Variants in PRKCB observed in about 807,000 individuals in gnomAD.
The protein encoded by PRKCB is protein kinase C beta.
Under a neutral mutation model 81.5 loss-of-function variants are expected in PRKCB, and 13 were observed. The ratio of observed to expected loss-of-function variants is 0.16; its 90% CI spans 0.10 to 0.25. The LOEUF (loss-of-function observed/expected upper bound fraction) is 0.25. PRKCB is among the 10% of genes least tolerant of loss of function. PRKCB has a pLI of 1.00. For synonymous variants in PRKCB, 335 were observed against 321.4 expected (o/e 1.04, Z -0.45); for missense variants, 509 against 875.7 (o/e 0.58, Z 5.29).
intron 2 of PRKCB, among the ~76,000 whole-genome samples, chr16:23,865,554 T>C (rs1962773806): frequency 1.7e-5 from 1 of 57,246 alleles, no homozygotes; most frequent in Admixed American, 1.9e-4. Context: ...TGTGTGTGTG[T>C]GTGTGTGTGT....
At chr16:24,053,344 C>T (rs564196403) in intron 5 of PRKCB, among the ~76,000 whole-genome samples, 1 of 152,320 alleles carries the variant, frequency 6.6e-6, no homozygotes, top group Non-Finnish European at 1.5e-5. Flanking sequence ...TTGGAGCTAT[C>T]TGGTCACTGT....
At chr16:24,175,664 G>A (rs1967518017) in intron 12 of PRKCB, among the ~76,000 whole-genome samples, 1 of 151,532 alleles carries the variant, frequency 6.6e-6, no homozygotes. Context: ...CTTAACTGCG[G>A]GATATGGGAT....
intron 2 of PRKCB, among the ~76,000 whole-genome samples, chr16:23,897,069 G>T (rs2878157): frequency 0.014 from 2,093 of 152,216 alleles, 41 homozygotes; most frequent in African/African-American, 0.048. Context: ...GCCAGACCCT[G>T]TGCCAGGTGT....
chr16:24,219,433 T>C lies in PRKCB; in HGVS notation c.*4617T>C. The C allele has an allele frequency of 3.0e-6, 3 of 986,006 alleles. No individual in the cohort carries two copies. The highest frequency in any genetic ancestry group is 3.6e-6 in the Non-Finnish European group (3 of 830,450). The allele number at this position is 986,006 out of a possible 1,614,324, so 61.1% of individuals were successfully genotyped here. On this transcript the variant is annotated 3_prime_UTR_variant, in exon 17 of 17. Transcript: ENST00000643927. ...AGCTGACGGTGGTCAATTCCTTTCA[T>C]TAAGCAGTGATCTGATTTCTCCACA... is the stretch of plus-strand genomic sequence containing the variant.
intron 7 of PRKCB, among the ~76,000 whole-genome samples, chr16:24,095,531 T>A (rs918639453): frequency 6.6e-6 from 1 of 152,188 alleles, no homozygotes; most frequent in Non-Finnish European, 1.5e-5. Flanking sequence ...GTAGTGATGT[T>A]ATCTGTAGGA....
intron 5 of PRKCB, among the ~76,000 whole-genome samples, chr16:24,087,394 A>G (rs1057491109): frequency 6.6e-6 from 1 of 152,204 alleles, no homozygotes; most frequent in Non-Finnish European, 1.5e-5. Flanking sequence ...TGAATGCGCC[A>G]TATATTATTT....
intron 8 of PRKCB, among the ~76,000 whole-genome samples, chr16:24,122,158 C>T (rs187941504): frequency 1.3e-5 from 2 of 152,242 alleles, no homozygotes; most frequent in East Asian, 3.9e-4. Flanking sequence ...CAGGGAAGAG[C>T]CCTCTTATCA....
In PRKCB at chr16:24,055,315, G is replaced by A. The variant is rs549244377; in HGVS notation, c.529+19768G>A. Reference sequence around the variant, plus strand: ...GTGAGCTTTAGATGGGCTGTCAGCCGCTGCTGAGTCCTCATCAGCTGCCTG... The same window carrying A: ...GTGAGCTTTAGATGGGCTGTCAGCCACTGCTGAGTCCTCATCAGCTGCCTG... On this transcript the variant is annotated intron_variant, in intron 5 of 16. Coordinates refer to ENST00000643927, the MANE Select transcript of PRKCB (RefSeq NM_002738.7). 4.3e-4 allele frequency among the ~76,000 whole-genome samples: 65 copies of A among 152,354 alleles called. No homozygotes were observed. The South Asian group carries it at 0.013, about 30-fold the overall frequency.
Position 24,185,505 on chromosome 16 carries a change from A to C in PRKCB, c.1660A>C (p.Met554Leu). ...EDEDELFQSI[M>L]EHNVAYPKSM... ...TGAAGATGAACTCTTCCAATCCATC[A>C]TGGAACACAACGTAGCCTATCCCAA... Residue 554 changes from methionine to leucine, a missense_variant, in exon 15 of 17, where the codon ATG becomes CTG. Around this residue, in one of 6 missense-constraint regions of PRKCB, gnomAD observed 104 missense variants for 160.5 expected, o/e 0.65. Coordinates refer to ENST00000643927, the MANE Select transcript of PRKCB (RefSeq NM_002738.7). 1 of 1,614,172 alleles carries C rather than the reference A, an allele frequency of 6.2e-7. No homozygotes were observed. Among genetic ancestry groups the C allele is most frequent in the East Asian group, 2.2e-5 (1 of 44,876 alleles).
chr16:24,167,142 TAA>T (rs10715574), intron 10 of PRKCB, among the ~76,000 whole-genome samples: 123 of 140,568 alleles, frequency 8.8e-4, no homozygotes, highest in East Asian at 4.3e-3. Flanking sequence ...TGTTTTCTAT[TAA>T]AAAAAAAAAA....
intron 3 of PRKCB, among the ~76,000 whole-genome samples, chr16:24,022,089 G>C (rs1965412771): frequency 6.6e-6 from 1 of 152,130 alleles, no homozygotes; most frequent in Admixed American, 6.6e-5. Context: ...TTCCAGGGGT[G>C]GGCGAGATGA....
At position 24,009,909 on chromosome 16, in the gene PRKCB, C is replaced by T. The variant is rs147333259; in HGVS notation, c.288+21319C>T. ...TTTTGTATCTGTAATCCCAGCTACT[C>T]AGGAGGCTGAGGCAGGAGAATCGCT... On this transcript the variant is annotated intron_variant, in intron 3 of 16. Transcript: ENST00000643927. Among the ~76,000 whole-genome samples, 802 of 152,146 alleles carry T rather than the reference C, an allele frequency of 5.3e-3. 9 individuals are homozygous for T. The highest frequency in any genetic ancestry group is 0.019 in the African/African-American group (775 of 41,528).
chr16:23,979,366 G>A (rs1596495529), intron 2 of PRKCB, among the ~76,000 whole-genome samples: 1 of 152,048 alleles, frequency 6.6e-6, no homozygotes, highest in Non-Finnish European at 1.5e-5. Flanking sequence ...CTGGTGCTGG[G>A]CATTCACACG....
chr16:24,012,463 C>T (rs140440719), intron 3 of PRKCB, among the ~76,000 whole-genome samples: 1 of 152,194 alleles, frequency 6.6e-6, no homozygotes, highest in Non-Finnish European at 1.5e-5. Flanking sequence ...ACTCCACTAA[C>T]CCTCTCTGGA....
chr16:24,198,991 C>A (rs1967917986), intron 16 of PRKCB, among the ~76,000 whole-genome samples: 1 of 152,210 alleles, frequency 6.6e-6, no homozygotes, highest in Non-Finnish European at 1.5e-5. Context: ...GTATGACAGA[C>A]TGATTCCAAT....
chr16:24,129,879 C>T (rs1452265577), intron 9 of PRKCB, among the ~76,000 whole-genome samples: 1 of 152,146 alleles, frequency 6.6e-6, no homozygotes, highest in East Asian at 1.9e-4. Flanking sequence ...ACTTTTTCTT[C>T]AACATTTCAT....
intron 2 of PRKCB, among the ~76,000 whole-genome samples, chr16:23,907,076 G>T (rs1009878429): frequency 2.6e-5 from 4 of 152,116 alleles, no homozygotes; most frequent in Non-Finnish European, 4.4e-5. Flanking sequence ...ATTGACATTG[G>T]GGGGTGGAAT....
In PRKCB at chr16:23,862,702, T is replaced by C. The variant is rs114020355; in HGVS notation, c.205+25296T>C. ...ACGAGACTCTTTTCTGTCTAACACATGGGAAAACTAACGCCCAGAGAGGTG... is the reference window on the plus strand; with the variant it reads ...ACGAGACTCTTTTCTGTCTAACACACGGGAAAACTAACGCCCAGAGAGGTG... On this transcript the variant is annotated intron_variant, in intron 2 of 16. Coordinates refer to ENST00000643927, the MANE Select transcript of PRKCB (RefSeq NM_002738.7). 3.3e-3 allele frequency among the ~76,000 whole-genome samples: 508 copies of C among 152,238 alleles called. 3 individuals are homozygous for C. The highest frequency in any genetic ancestry group is 0.012 in the African/African-American group (478 of 41,530).
At chr16:23,865,924 C>T (rs1962782172) in intron 2 of PRKCB, among the ~76,000 whole-genome samples, 1 of 152,130 alleles carries the variant, frequency 6.6e-6, no homozygotes, top group Non-Finnish European at 1.5e-5. Flanking sequence ...CCATCCTCCT[C>T]TTCTGGAGTT....
Sources: allele counts gnomAD v4.1 joint callset (sites outside exome capture counted in the v4.1 genomes callset), GRCh38; gene constraint gnomAD v4.1.1; regional missense constraint gnomAD v4.1.1; transcripts MANE v1.5; gene names NCBI Gene and HGNC (gene_info 2026-07-23, HGNC 2026-07-21).